Variants in CTNNA2 observed in about 807,000 individuals in gnomAD.
CTNNA2 encodes the protein catenin alpha-2.
A neutral mutation model predicts 101.0 loss-of-function variants in CTNNA2; 42 were observed. The observed-to-expected ratio is 0.42, with a 90% confidence interval of 0.32 to 0.54. CTNNA2 has a LOEUF of 0.54. Ranked by LOEUF, CTNNA2 falls within the 20% of genes least tolerant of loss-of-function variation. CTNNA2 has a pLI of 0.14. For synonymous variants in CTNNA2, 450 were observed against 456.4 expected, an observed-to-expected ratio of 0.99 and a Z score of 0.18; for missense variants, 871 against 1,223.1, an observed-to-expected ratio of 0.71 and a Z score of 4.29.
At chr2:80,166,896 T>C (rs1291361033) in intron 7 of CTNNA2, among the ~76,000 whole-genome samples, 1 of 151,956 alleles carries the variant, frequency 6.6e-6, no homozygotes, top group Non-Finnish European at 1.5e-5. Flanking sequence ...AGTTTGTTTT[T>C]CTTTTAGGTT....
intron 9 of CTNNA2, among the ~76,000 whole-genome samples, chr2:80,466,853 T>C (rs1356447908): frequency 6.6e-6 from 1 of 152,242 alleles, no homozygotes; most frequent in Non-Finnish European, 1.5e-5. Context: ...ACAAGAGGGC[T>C]ACATTTGGTA....
chr2:80,382,202 A>G (rs984084425), intron 7 of CTNNA2, among the ~76,000 whole-genome samples: 24 of 152,208 alleles, frequency 1.6e-4, no homozygotes. Context: ...ATACTATTTC[A>G]TTCATAGCCA....
chr2:80,112,748 C>T (rs1573115794), intron 7 of CTNNA2, among the ~76,000 whole-genome samples: 1 of 152,138 alleles, frequency 6.6e-6, no homozygotes, highest in South Asian at 2.1e-4. Context: ...TTTTTGCGCA[C>T]CCTATTCTGT....
At chr2:79,324,456 G>A (rs1300922570) in intron 3 of CTNNA2, among the ~76,000 whole-genome samples, 2 of 152,276 alleles carry the variant, frequency 1.3e-5, no homozygotes, top group South Asian at 2.1e-4. Context: ...GGTGGTTTGG[G>A]TGTGGACTTA....
chr2:80,578,882 G>A (rs1463621203), intron 13 of CTNNA2: 2 of 152,088 alleles, frequency 1.3e-5, no homozygotes, highest in African/African-American at 4.8e-5. Context: ...AACAATGATT[G>A]CCATTATTAT....
intron 4 of CTNNA2, among the ~76,000 whole-genome samples, chr2:79,503,039 C>T (rs549450037): frequency 7.9e-5 from 12 of 152,142 alleles, no homozygotes; most frequent in Non-Finnish European, 1.8e-4. Flanking sequence ...CAGCAGAGGT[C>T]CAGCTCATAT....
At chr2:80,264,561 AC>A (rs1672862843) in intron 7 of CTNNA2, among the ~76,000 whole-genome samples, 1 of 152,190 alleles carries the variant, frequency 6.6e-6, no homozygotes, top group Non-Finnish European at 1.5e-5. Context: ...TTCAATGCTC[AC>A]CAACATCCTC....
At chr2:80,505,486 A>G (rs1688202183) in intron 9 of CTNNA2, among the ~76,000 whole-genome samples, 1 of 152,238 alleles carries the variant, frequency 6.6e-6, no homozygotes, top group South Asian at 2.1e-4. Flanking sequence ...CCATTAGCGT[A>G]AATTGAGATC....
At chr2:79,583,206 C>T (rs941447744) in intron 1 of CTNNA2, among the ~76,000 whole-genome samples, 2 of 149,292 alleles carry the variant, frequency 1.3e-5, no homozygotes, top group African/African-American at 4.9e-5. Context: ...GATATACACA[C>T]ATATATATAT....
intron 12 of CTNNA2, chr2:80,573,161 T>C: frequency 6.6e-6 from 1 of 152,206 alleles, no homozygotes; most frequent in Non-Finnish European, 1.5e-5. Flanking sequence ...AAAACGAATA[T>C]GCTTTTGGCT....
At chr2:80,242,489 A>T (rs1671017155) in intron 7 of CTNNA2, among the ~76,000 whole-genome samples, 1 of 152,152 alleles carries the variant, frequency 6.6e-6, no homozygotes, top group South Asian at 2.1e-4. Flanking sequence ...CTCCCACACT[A>T]CATATTTGTA....
chr2:80,360,469 G>T (rs986889552), intron 7 of CTNNA2, among the ~76,000 whole-genome samples: 3 of 152,086 alleles, frequency 2.0e-5, no homozygotes, highest in African/African-American at 7.2e-5. Flanking sequence ...GGTGAGAATT[G>T]TGCCTTATTT....
chr2:80,289,037 A>G (rs941150914), intron 7 of CTNNA2: 5 of 152,134 alleles, frequency 3.3e-5, no homozygotes, highest in African/African-American at 1.2e-4. Flanking sequence ...AGATGGGAGT[A>G]ATATGATGCG....
chr2:80,026,254 T>C (rs1204639761), intron 7 of CTNNA2, among the ~76,000 whole-genome samples: 1 of 152,122 alleles, frequency 6.6e-6, no homozygotes, highest in Non-Finnish European at 1.5e-5. Context: ...CCGGTATGAC[T>C]GGACAGTCTG....
intron 3 of CTNNA2, among the ~76,000 whole-genome samples, chr2:79,852,854 T>C (rs977210601): frequency 4.6e-5 from 7 of 152,082 alleles, no homozygotes; most frequent in Non-Finnish European, 7.4e-5. Flanking sequence ...CCTCCCAAAG[T>C]GTTGGGATTA....
chr2:80,267,562 G>T (rs2149133342), intron 7 of CTNNA2, among the ~76,000 whole-genome samples: 1 of 152,206 alleles, frequency 6.6e-6, no homozygotes, highest in Admixed American at 6.5e-5. Flanking sequence ...GGAAACAGAT[G>T]GAATGAAATT....
At chr2:80,544,839 T>A (rs1691899199) in intron 9 of CTNNA2, 143 bp from the exon 10 acceptor site, 1 of 647,798 alleles carries the variant, frequency 1.5e-6, no homozygotes, top group Non-Finnish European at 2.6e-6. Context: ...TAGTTGGTTC[T>A]ACATGAAGGC....
chr2:80,300,542 G>A (rs1558981826), intron 7 of CTNNA2, among the ~76,000 whole-genome samples: 1 of 152,016 alleles, frequency 6.6e-6, no homozygotes, highest in Non-Finnish European at 1.5e-5. Context: ...ATTGGTAGCT[G>A]GAGACATTTG....
chr2:79,794,032 T>C (rs933670203), intron 3 of CTNNA2, among the ~76,000 whole-genome samples: 12 of 151,972 alleles, frequency 7.9e-5, no homozygotes, highest in Non-Finnish European at 1.5e-4. Flanking sequence ...TTGCGTTAAG[T>C]GTGTACGATT....
Sources: gnomAD v4.1 joint callset for allele counts (sites outside exome capture counted in the v4.1 genomes callset) on GRCh38, gnomAD v4.1.1 for gene constraint, MANE v1.5 for transcripts, NCBI Gene and HGNC (gene_info 2026-07-23, HGNC 2026-07-21) for gene names.